Variants in C18orf63 observed in about 807,000 individuals in gnomAD.
C18orf63 encodes chromosome 18 open reading frame 63.
A neutral mutation model predicts 75.3 loss-of-function variants in C18orf63; 50 were observed. That is an observed-to-expected ratio of 0.66 (90% confidence interval 0.53 to 0.84). C18orf63 has a LOEUF of 0.84. Among genes scored for constraint, C18orf63 ranks in the 40% least tolerant of loss-of-function variants. The pLI, the probability that C18orf63 is intolerant of heterozygous loss-of-function variation, is 0.00. For missense variants in C18orf63, 732 were observed against 800.2 expected, an observed-to-expected ratio of 0.91 and a Z score of 1.03; for synonymous variants, 232 against 267.6, an observed-to-expected ratio of 0.87 and a Z score of 1.30.
chr18:74,339,344 C>A (rs990590983), intron 8 of C18orf63, among the ~76,000 whole-genome samples: 1 of 152,078 alleles, frequency 6.6e-6, no homozygotes, highest in African/African-American at 2.4e-5. Flanking sequence ...GTTTGACTCT[C>A]TTTACAGACT....
intron 4 of C18orf63, among the ~76,000 whole-genome samples, chr18:74,325,054 A>T (rs947533322): frequency 9.9e-5 from 15 of 152,166 alleles, no homozygotes; most frequent in African/African-American, 3.6e-4. Flanking sequence ...GATTCTGGGG[A>T]TAAAGCTGTG....
At chr18:74,337,387 C>T (rs944884329) in intron 7 of C18orf63, among the ~76,000 whole-genome samples, 6 of 152,068 alleles carry the variant, frequency 3.9e-5, no homozygotes, top group African/African-American at 1.2e-4. Flanking sequence ...CTGCAGCAAT[C>T]GACTTGAGTC....
chr18:74,353,847 C>T lies in C18orf63; in HGVS notation c.1580C>T (p.Ser527Phe), dbSNP rs1012166505. The T allele has an allele frequency of 6.5e-6, 10 of 1,535,878 alleles. No homozygotes were observed. The East Asian group carries it at 9.8e-5, about 15-fold the overall frequency. ...TCTGAAAATATGACAAAATTTCCCT[C>T]TTCTCGTGGAAAATCGACTGTGAGT... is the stretch of plus-strand genomic sequence containing the variant. ...ESSENMTKFP[S>F]SRGKSTVSLN... Residue 527 changes from serine to phenylalanine, a missense_variant, in exon 12 of 14, where the codon TCT (serine) becomes TTT (phenylalanine). By Grantham distance (155) the Ser-to-Phe change is radical. Transcript: ENST00000579455.
intron 6 of C18orf63, among the ~76,000 whole-genome samples, chr18:74,329,396 A>G (rs1487496609): frequency 7.1e-6 from 1 of 141,814 alleles, no homozygotes; most frequent in African/African-American, 2.6e-5. Flanking sequence ...AAAAAAAAAA[A>G]CCAGTAACAT....
intron 1 of C18orf63, among the ~76,000 whole-genome samples, chr18:74,317,200 T>G (rs1790076555): frequency 6.6e-6 from 1 of 152,244 alleles, no homozygotes; most frequent in Admixed American, 6.5e-5. Context: ...GTTAGTGTAC[T>G]GAAGCTTCAC....
chr18:74,340,108 T>A (rs1405426350), intron 8 of C18orf63, among the ~76,000 whole-genome samples: 2 of 152,144 alleles, frequency 1.3e-5, no homozygotes, highest in African/African-American at 4.8e-5. Context: ...ACCATACATC[T>A]GATAAAGAGC....
Position 74,342,327 on chromosome 18 carries a change from A to T in C18orf63, c.794+1A>T. On this transcript the variant is annotated splice_donor_variant, in intron 10 of 13. Transcript: ENST00000579455. LOFTEE classifies it high-confidence loss of function. ...AAATGCTCGGAGAAAGGACCTTCACATATCCTTTACACACCAACTGAAGCA... is the reference window on the plus strand; with the variant it reads ...AAATGCTCGGAGAAAGGACCTTCACTTATCCTTTACACACCAACTGAAGCA... 5.3e-6 allele frequency: 8 copies of T among 1,513,534 alleles called. No individual in the cohort carries two copies. The highest frequency in any genetic ancestry group is 7.1e-6 in the Non-Finnish European group (8 of 1,128,086). 93.8% of individuals were successfully genotyped at this position (1,513,534 alleles called of 1,614,324 possible).
At position 74,317,925 on chromosome 18, in the gene C18orf63, C is replaced by T; in HGVS notation, c.60C>T (p.Leu20=). 1 of 1,534,166 alleles carries T rather than the reference C, an allele frequency of 6.5e-7. No homozygotes were observed. The highest frequency in any genetic ancestry group is 2.4e-5 in the East Asian group (1 of 40,822). The change falls in exon 2 of 14, where the codon CTC becomes CTT. Residue 20 remains leucine (L), a synonymous_variant. Coordinates refer to ENST00000579455, the MANE Select transcript of C18orf63 (RefSeq NM_001174123.2). ...TCACACTTCCAGATTTAAACAAACT[C>T]TGTGCTGTCAGAATAATACTGAGTA... ...FFITLPDLNK[L]CAVRIILSNK... is the part of the protein sequence containing the mutation.
At chr18:74,348,326 A>G (rs868142571) in intron 11 of C18orf63, among the ~76,000 whole-genome samples, 3 of 152,178 alleles carry the variant, frequency 2.0e-5, no homozygotes, top group Admixed American at 6.5e-5. Flanking sequence ...TCAAAAACCC[A>G]TATGTCCTAT....
chr18:74,320,389 T>C (rs1984099910), intron 2 of C18orf63, 124 bp from the exon 3 acceptor site: 2 of 577,082 alleles, frequency 3.5e-6, no homozygotes, highest in Non-Finnish European at 5.9e-6. Context: ...TCCGCCGCCA[T>C]GAGCCAATCA....
intron 11 of C18orf63, among the ~76,000 whole-genome samples, chr18:74,348,734 T>C (rs1323290414): frequency 6.6e-6 from 1 of 152,212 alleles, no homozygotes; most frequent in Non-Finnish European, 1.5e-5. Flanking sequence ...TTGTTGACTA[T>C]TAAGTATATT....
chr18:74,348,179 G>T (rs1984605652), intron 11 of C18orf63, among the ~76,000 whole-genome samples: 1 of 152,030 alleles, frequency 6.6e-6, no homozygotes, highest in South Asian at 2.1e-4. Flanking sequence ...TCTTTATTCT[G>T]TAACATCTCA....
intron 8 of C18orf63, among the ~76,000 whole-genome samples, chr18:74,339,584 A>G (rs558796047): frequency 1.3e-5 from 2 of 152,174 alleles, no homozygotes; most frequent in Non-Finnish European, 2.9e-5. Context: ...ATCAGGAACA[A>G]GACAAGGATG....
chr18:74,355,782 G>A (rs148796352), intron 13 of C18orf63, among the ~76,000 whole-genome samples: 1 of 152,190 alleles, frequency 6.6e-6, no homozygotes, highest in East Asian at 1.9e-4. Context: ...TTAGCTGGAC[G>A]TGCTACTCAG....
chr18:74,344,435 A>G (rs773063620), intron 11 of C18orf63, among the ~76,000 whole-genome samples: 3 of 148,600 alleles, frequency 2.0e-5, no homozygotes, highest in Non-Finnish European at 4.4e-5. Flanking sequence ...GTAATACTGT[A>G]TAGCTTAATG....
chr18:74,345,206 T>C lies in C18orf63; in HGVS notation c.978+1504T>C, dbSNP rs186900636. On this transcript the variant is annotated intron_variant, in intron 11 of 13. Transcript: ENST00000579455. ...TTTTTTTTGAAATGCCATTCTTTCA[T>C]TTTTCTACTGTGTTACGTGTTTGTT... 1.1e-3 allele frequency among the ~76,000 whole-genome samples: 172 copies of C among 149,622 alleles called. 1 individual carries two copies. Among genetic ancestry groups the C allele is most frequent in the African/African-American group, 4.2e-3 (170 of 40,686 alleles).
chr18:74,323,505 G>T (rs1299564968), intron 4 of C18orf63, among the ~76,000 whole-genome samples: 1 of 152,206 alleles, frequency 6.6e-6, no homozygotes, highest in Non-Finnish European at 1.5e-5. Flanking sequence ...AATGAGGAAA[G>T]AATATGTTTA....
intron 5 of C18orf63, 22 bp from the exon 6 acceptor site, chr18:74,328,973 C>T: frequency 1.5e-6 from 2 of 1,364,582 alleles, no homozygotes; most frequent in Non-Finnish European, 2.0e-6. Flanking sequence ...AATAACATGG[C>T]ATATTCTATG....
intron 11 of C18orf63, among the ~76,000 whole-genome samples, chr18:74,344,217 A>G (rs898351370): frequency 2.6e-5 from 4 of 152,154 alleles, no homozygotes; most frequent in African/African-American, 9.7e-5. Context: ...GGACAAGTTA[A>G]AGATGAAATG....
Sources: gnomAD v4.1 joint callset for allele counts (sites outside exome capture counted in the v4.1 genomes callset) on GRCh38, gnomAD v4.1.1 for gene constraint, MANE v1.5 for transcripts, NCBI Gene and HGNC (gene_info 2026-07-23, HGNC 2026-07-21) for gene names.